Variants in PALLD observed in about 807,000 individuals in gnomAD.
The protein encoded by PALLD is palladin.
PALLD carries 61 observed loss-of-function variants against 123.5 expected under a neutral mutation model. The ratio of observed to expected loss-of-function variants is 0.49; its 90% CI spans 0.40 to 0.61. PALLD has a LOEUF of 0.61. Among genes scored for constraint, PALLD ranks in the 20% least tolerant of loss-of-function variants. The pLI is 0.00. For missense variants in PALLD, 1,273 were observed against 1,377.0 expected, an observed-to-expected ratio of 0.92 and a Z score of 1.20; for synonymous variants, 465 against 496.4, an observed-to-expected ratio of 0.94 and a Z score of 0.84.
chr4:168,557,072 C>T (rs1767394285), intron 2 of PALLD, among the ~76,000 whole-genome samples: 1 of 115,760 alleles, frequency 8.6e-6, no homozygotes, highest in Non-Finnish European at 2.1e-5. Flanking sequence ...GAGACAGAGT[C>T]TCGCTCTGTT....
At chr4:168,800,802 C>T (rs1739217788) in intron 10 of PALLD, among the ~76,000 whole-genome samples, 1 of 152,162 alleles carries the variant, frequency 6.6e-6, no homozygotes, top group African/African-American at 2.4e-5. Flanking sequence ...CCCAGAGACA[C>T]GTAACCCAAA....
intron 10 of PALLD, among the ~76,000 whole-genome samples, chr4:168,748,749 G>A (rs1459488097): frequency 1.3e-5 from 2 of 152,070 alleles, no homozygotes; most frequent in African/African-American, 4.8e-5. Context: ...CCGGGCCTTG[G>A]TCTCTTATTG....
chr4:168,761,871 G>T (rs928732094), intron 10 of PALLD, among the ~76,000 whole-genome samples: 3 of 151,716 alleles, frequency 2.0e-5, no homozygotes, highest in African/African-American at 7.3e-5. Flanking sequence ...TCCTGGACCT[G>T]CACAGGATTA....
chr4:168,898,540 G>A lies in PALLD; in HGVS notation c.2298G>A (p.Glu766=), dbSNP rs376867553. ...SCEQRLISEI[E]YRLERSPVDE... ...AACAGAGACTCATCAGTGAAATAGA[G>A]TACAGGCTAGAAAGGTCTCCTGTGG... The change falls in exon 14 of 22, where the codon GAG becomes GAA. Residue 766 remains glutamate, a synonymous_variant. Coordinates refer to ENST00000505667, the MANE Select transcript of PALLD (RefSeq NM_001166108.2). The A allele has an allele frequency of 1.9e-6, 3 of 1,613,780 alleles. No individual in the cohort carries two copies. Among genetic ancestry groups the A allele is most frequent in the Non-Finnish European group, 2.5e-6 (3 of 1,179,758 alleles).
chr4:168,707,750 G>C (rs75651541), intron 8 of PALLD, among the ~76,000 whole-genome samples: 3,271 of 152,270 alleles, frequency 0.021, 122 homozygotes, highest in African/African-American at 0.074. Context: ...TTATTACTAA[G>C]AAATGTACAA....
chr4:168,894,716 TCTGTCCCCCTTTTCC>T, intron 12 of PALLD, 39 bp downstream of exon 12: 1 of 1,600,194 alleles, frequency 6.2e-7, no homozygotes, highest in Non-Finnish European at 8.5e-7. Context: ...TAACATTTAT[TCTGTCCCCCTTTTCC>T]ATCTTCCTTA....
chr4:168,609,733 G>A (rs138133677), intron 2 of PALLD, among the ~76,000 whole-genome samples: 8 of 152,256 alleles, frequency 5.3e-5, no homozygotes, highest in Non-Finnish European at 8.8e-5. Context: ...GACCCAAGAC[G>A]CATCTCATAC....
intron 3 of PALLD, among the ~76,000 whole-genome samples, chr4:168,672,733 C>T (rs1780420519): frequency 6.6e-6 from 1 of 152,236 alleles, no homozygotes; most frequent in Non-Finnish European, 1.5e-5. Flanking sequence ...GCTGGGATTA[C>T]AGGCGTGAGC....
At chr4:168,689,688 C>G (rs1414522813) in intron 6 of PALLD, among the ~76,000 whole-genome samples, 10 of 151,746 alleles carry the variant, frequency 6.6e-5, no homozygotes, top group Admixed American at 1.3e-4. Context: ...CCCTAGGCGA[C>G]CCACCCACCT....
At chr4:168,546,444 G>A (rs1031066012) in intron 2 of PALLD, among the ~76,000 whole-genome samples, 4 of 152,152 alleles carry the variant, frequency 2.6e-5, no homozygotes, top group Non-Finnish European at 5.9e-5. Context: ...CTTTGTGTGA[G>A]TGAAATTCTG....
chr4:168,725,282 A>G (rs189728058), intron 10 of PALLD, among the ~76,000 whole-genome samples: 1 of 152,332 alleles, frequency 6.6e-6, no homozygotes, highest in Admixed American at 6.5e-5. Flanking sequence ...CCTCAGCTAC[A>G]ATTTCAAACT....
intron 1 of PALLD, among the ~76,000 whole-genome samples, chr4:168,508,794 C>T (rs1370048004): frequency 6.6e-6 from 1 of 151,950 alleles, no homozygotes; most frequent in East Asian, 1.9e-4. Context: ...TCCCCCTCTC[C>T]ACCTTCATGT....
intron 2 of PALLD, among the ~76,000 whole-genome samples, chr4:168,525,794 G>T (rs370962817): frequency 5.9e-5 from 9 of 152,142 alleles, no homozygotes; most frequent in Non-Finnish European, 1.2e-4. Flanking sequence ...TGTTTGGATT[G>T]TATTTTCTTT....
intron 2 of PALLD, among the ~76,000 whole-genome samples, chr4:168,534,869 GATA>G (rs1358161404): frequency 6.6e-6 from 1 of 152,064 alleles, no homozygotes; most frequent in African/African-American, 2.4e-5. Context: ...ATTACCCAAA[GATA>G]ATGACTACTG....
intron 10 of PALLD, among the ~76,000 whole-genome samples, chr4:168,862,487 G>A (rs1473924136): frequency 6.6e-6 from 1 of 152,132 alleles, no homozygotes; most frequent in Non-Finnish European, 1.5e-5. Context: ...TGATTTTCAG[G>A]AACAGTCATT....
intron 10 of PALLD, among the ~76,000 whole-genome samples, chr4:168,764,934 G>A (rs1045080493): frequency 3.3e-5 from 5 of 152,032 alleles, no homozygotes; most frequent in Admixed American, 2.0e-4. Flanking sequence ...CTTTTGCATC[G>A]GATAACTTTT....
intron 10 of PALLD, among the ~76,000 whole-genome samples, chr4:168,728,711 T>C (rs1786841476): frequency 6.6e-6 from 1 of 152,206 alleles, no homozygotes; most frequent in Non-Finnish European, 1.5e-5. Context: ...TAATTGTTTT[T>C]TTATTTTCCC....
intron 15 of PALLD, among the ~76,000 whole-genome samples, chr4:168,906,663 C>CT: frequency 6.6e-6 from 1 of 152,160 alleles, no homozygotes; most frequent in African/African-American, 2.4e-5. Flanking sequence ...CTTCCTCAGT[C>CT]ACCCAGGCTG....
At chr4:168,528,628 CA>C (rs5863939) in intron 2 of PALLD, among the ~76,000 whole-genome samples, 66,140 of 151,894 alleles carry the variant, frequency 0.44, 15,350 homozygotes, top group African/African-American at 0.6. Context: ...GCAAACTATC[CA>C]AAGACATAAC....
Sources: gnomAD v4.1 joint callset for allele counts (sites outside exome capture counted in the v4.1 genomes callset) on GRCh38, gnomAD v4.1.1 for gene constraint, MANE v1.5 for transcripts, NCBI Gene and HGNC (gene_info 2026-07-23, HGNC 2026-07-21) for gene names.